The following SACS variants were observed in gnomAD, a reference collection of about 807,000 sequenced individuals.
The protein encoded by SACS is sacsin molecular chaperone, also known as sacsin.
A neutral mutation model predicts 348.0 loss-of-function variants in SACS; 197 were observed. That is an observed-to-expected ratio of 0.57 (90% CI 0.50 to 0.64). SACS has a LOEUF of 0.64. SACS is among the 30% of genes least tolerant of loss of function. The pLI, the probability that SACS is intolerant of heterozygous loss-of-function variation, is 0.00. For synonymous variants in SACS, 1,985 were observed against 1,910.6 expected, an observed-to-expected ratio of 1.04 and a Z score of -1.02; for missense variants, 4,999 against 5,360.8, an observed-to-expected ratio of 0.93 and a Z score of 2.11.
intron 1 of SACS, among the ~76,000 whole-genome samples, chr13:23,413,879 T>C (rs1009138948): frequency 1.3e-5 from 2 of 152,198 alleles, no homozygotes; most frequent in African/African-American, 2.4e-5. Context: ...TAAGGAACTA[T>C]ATTAGCAAGA....
intron 1 of SACS, among the ~76,000 whole-genome samples, chr13:23,426,535 G>A (rs1471574797): frequency 6.6e-6 from 1 of 152,030 alleles, no homozygotes; most frequent in African/African-American, 2.4e-5. Context: ...AGCTACTCGG[G>A]AGGCTGAGAT....
rs1017779346 is a variant in SACS at position 23,389,170 on chromosome 13, G to GTA, written c.21-13903_21-13902dup. Among the ~76,000 whole-genome samples the GTA allele has an allele frequency of 3.5e-4, 53 of 150,862 alleles. 1 individual carries two copies. Among genetic ancestry groups the GTA allele is most frequent in the South Asian group, 2.1e-4 (1 of 4,728 alleles). ...ATTTAGCTAAAACATATATGTGTGT[G>GTA]TATATATATATGTGTGTATGTGTGT... On this transcript the variant is annotated intron_variant, in intron 2 of 9. Transcript: ENST00000382292.
intron 2 of SACS, among the ~76,000 whole-genome samples, chr13:23,377,333 G>A (rs1343597603): frequency 6.6e-6 from 1 of 152,110 alleles, no homozygotes; most frequent in Non-Finnish European, 1.5e-5. Context: ...GAATGCAAAG[G>A]CTTTTCCTGG....
chr13:23,343,172 T>C (rs998637152), intron 9 of SACS, among the ~76,000 whole-genome samples: 5 of 152,250 alleles, frequency 3.3e-5, no homozygotes, highest in Non-Finnish European at 5.9e-5. Context: ...GGGCAGTTTT[T>C]ACTGATTTTA....
chr13:23,358,329 C>A lies in SACS; in HGVS notation c.604+6G>T. ...AATACCAAGACCGAAAAGCCTAATA[C>A]TCTACCTGTTATATGATAGACAGAA... On this transcript the variant is annotated splice_donor_region_variant and intron_variant, in intron 7 of 9. Transcript: ENST00000382292. 6.2e-7 allele frequency: 1 copy of A among 1,613,604 alleles called. No homozygotes were observed. The highest frequency in any genetic ancestry group is 1.1e-5 in the South Asian group (1 of 91,076).
At chr13:23,382,062 G>C (rs1044379099) in intron 2 of SACS, among the ~76,000 whole-genome samples, 1 of 152,236 alleles carries the variant, frequency 6.6e-6, no homozygotes, top group Non-Finnish European at 1.5e-5. Context: ...CTGTTCTGTA[G>C]AACAATTATA....
chr13:23,348,211 C>G (rs1197943840), intron 9 of SACS, among the ~76,000 whole-genome samples: 1 of 152,202 alleles, frequency 6.6e-6, no homozygotes, highest in Non-Finnish European at 1.5e-5. Flanking sequence ...AGCTTCAACT[C>G]TGCAACTCAA....
intron 2 of SACS, among the ~76,000 whole-genome samples, chr13:23,406,329 T>C (rs553671625): frequency 1.3e-5 from 2 of 148,730 alleles, no homozygotes; most frequent in South Asian, 4.2e-4. Context: ...AGTTGAACGA[T>C]GAAAACACAT....
chr13:23,391,245 G>A (rs548527530), intron 2 of SACS, among the ~76,000 whole-genome samples: 21 of 152,310 alleles, frequency 1.4e-4, no homozygotes, highest in South Asian at 8.3e-4. Flanking sequence ...CAAGAGGCAC[G>A]GAAGTCAGGC....
intron 2 of SACS, among the ~76,000 whole-genome samples, chr13:23,385,170 T>G (rs1872238762): frequency 6.6e-6 from 1 of 151,746 alleles, no homozygotes; most frequent in South Asian, 2.1e-4. Context: ...TATCATGAGA[T>G]TGCCCCAACT....
In SACS at chr13:23,375,218, C is replaced by T. The variant is rs1871677310; in HGVS notation, c.72G>A (p.Ala24=). 6 of 1,499,296 alleles carry T rather than the reference C, an allele frequency of 4.0e-6. No individual in the cohort carries two copies. Among genetic ancestry groups the T allele is most frequent in the Non-Finnish European group, 5.3e-6 (6 of 1,123,578 alleles). The allele number at this position is 1,499,296 out of a possible 1,614,324, so 92.9% of individuals were successfully genotyped here. A position where few individuals can be genotyped will look rare whatever the true frequency, so the allele number is the denominator to read the frequency against. ...CGCGCACGGTCCAGGACGCCAGCGC[C>T]GCGACGGTCCTGCAGCCCACGCAGC... ...LPGCVGCRTV[A]ALASWTVRDV... The change falls in exon 3 of 10, where the codon GCG becomes GCA. Residue 24 remains alanine (A), a synonymous_variant. Coordinates refer to ENST00000382292, the MANE Select transcript of SACS (RefSeq NM_014363.6).
intron 2 of SACS, among the ~76,000 whole-genome samples, chr13:23,407,198 T>A (rs925135740): frequency 2.0e-5 from 3 of 152,158 alleles, no homozygotes; most frequent in African/African-American, 7.2e-5. Context: ...GTTTTTCTTT[T>A]TATTTATTTA....
chr13:23,361,606 G>A (rs1311858897), intron 6 of SACS, among the ~76,000 whole-genome samples: 4 of 151,968 alleles, frequency 2.6e-5, no homozygotes, highest in Non-Finnish European at 4.4e-5. Flanking sequence ...GTGAAACCCC[G>A]TCTCTACTAA....
In SACS at chr13:23,338,944, G is replaced by C; in HGVS notation, c.4932C>G (p.Phe1644Leu). The C allele has an allele frequency of 6.2e-7, 1 of 1,613,812 alleles. No homozygotes were observed. Among genetic ancestry groups the C allele is most frequent in the Non-Finnish European group, 8.5e-7 (1 of 1,179,926 alleles). Residue 1644 changes from phenylalanine (F) to leucine (L), a missense_variant, in exon 10 of 10, where the codon TTC becomes TTG. Physicochemically the swap from Phe to Leu is conservative, Grantham distance 22 (BLOSUM62 0). Transcript: ENST00000382292. ...EAPYSYNGTL[F>L]RLSFRTQQEA... Reference sequence around the variant, plus strand: ...CCTGTTGAGTTCTAAAGGACAGTCGGAAAAGGGTTCCATTATAGCTGTAAG... The same window carrying C: ...CCTGTTGAGTTCTAAAGGACAGTCGCAAAAGGGTTCCATTATAGCTGTAAG...
rs142037771 is a variant in SACS at position 23,341,312 on chromosome 13, A to G, written c.2564T>C (p.Leu855Ser). 6.8e-6 allele frequency: 11 copies of G among 1,606,870 alleles called. No homozygotes were observed. The African/African-American group carries it at 1.3e-4, about 20-fold the overall frequency. ...QKLGGFVLKK[L>S]DASIQHPLIK... ...AAGCGGATGTTGTATAGATGCATCT[A>G]ATTTTTTAAGGACAAACCCTCCAAG... Residue 855 changes from leucine (L) to serine (S), a missense_variant, in exon 10 of 10, where the codon TTA (leucine) becomes TCA (serine). By Grantham distance (145) the Leu-to-Ser change is moderately radical. Transcript: ENST00000382292.
At chr13:23,368,068 CTGGCTGGCTGGTTGGT>C (rs1192787589) in intron 5 of SACS, among the ~76,000 whole-genome samples, 28 of 151,916 alleles carry the variant, frequency 1.8e-4, no homozygotes, top group African/African-American at 6.5e-4. Flanking sequence ...GGCCGGTTGG[CTGGCTGGCTGGTTGGT>C]TGGTTGGTTG....
At chr13:23,397,946 C>T (rs1200612927) in intron 2 of SACS, among the ~76,000 whole-genome samples, 2 of 152,132 alleles carry the variant, frequency 1.3e-5, no homozygotes, top group Non-Finnish European at 2.9e-5. Flanking sequence ...AATCCCTACA[C>T]TTTGGGAGGC....
Position 23,335,704 on chromosome 13 carries a change from C to G in SACS, c.8172G>C (p.Gln2724His). Residue 2724 changes from glutamine to histidine, a missense_variant, in exon 10 of 10, where the codon CAG (glutamine) becomes CAC (histidine). Gln to His is a conservative substitution (Grantham distance 24). Around this residue, in one of 6 missense-constraint regions of SACS, gnomAD observed 3,156 missense variants for 3,380.1 expected, o/e 0.93. Transcript: ENST00000382292. The surrounding 1 kb of genome is among the most constrained non-coding windows in gnomAD (Gnocchi z 4.7). The stretch of plus-strand genomic sequence containing the variant: ...CTGAGCGCAGTTTGTCCAAAAGATT[C>G]TGGACCATTCTGTCTGATGCTGGAA... ...SSVPASDRMV[Q>H]NLLDKLRSDG... The G allele has an allele frequency of 6.2e-7, 1 of 1,614,034 alleles. No individual in the cohort carries two copies. Among genetic ancestry groups the G allele is most frequent in the Non-Finnish European group, 8.5e-7 (1 of 1,179,900 alleles).
At chr13:23,387,209 C>T (rs1872324806) in intron 2 of SACS, among the ~76,000 whole-genome samples, 1 of 151,964 alleles carries the variant, frequency 6.6e-6, no homozygotes, top group African/African-American at 2.4e-5. Context: ...CCTGTAATCC[C>T]AGCACTTTGG....
Sources: allele counts gnomAD v4.1 joint callset (sites outside exome capture counted in the v4.1 genomes callset), GRCh38; gene constraint gnomAD v4.1.1; regional missense constraint gnomAD v4.1.1; non-coding constraint Gnocchi (gnomAD v3.1); transcripts MANE v1.5; gene names NCBI Gene and HGNC (gene_info 2026-07-23, HGNC 2026-07-21).